Variants in EBF1 observed in about 807,000 individuals in gnomAD.
The protein encoded by EBF1 is transcription factor COE1.
In EBF1, 10 loss-of-function variants were observed where a neutral mutation model predicts 68.4. That is an observed-to-expected ratio of 0.15 (90% CI 0.09 to 0.25). The LOEUF (loss-of-function observed/expected upper bound fraction) is 0.25. Among genes scored for constraint, EBF1 ranks in the 10% least tolerant of loss-of-function variants. The pLI is 1.00. For synonymous variants in EBF1, 298 were observed against 299.8 expected (o/e 0.99, Z 0.06); for missense variants, 509 against 794.4 (o/e 0.64, Z 4.32).
At chr5:158,729,975 C>T (rs538606524) in intron 11 of EBF1, among the ~76,000 whole-genome samples, 4 of 152,284 alleles carry the variant, frequency 2.6e-5, no homozygotes, top group African/African-American at 7.2e-5. Flanking sequence ...AGCCAGCACA[C>T]GGGTAGGATT....
chr5:158,984,446 C>T (rs944658308), intron 6 of EBF1, among the ~76,000 whole-genome samples: 2 of 152,002 alleles, frequency 1.3e-5, no homozygotes, highest in Non-Finnish European at 2.9e-5. Flanking sequence ...AAAACTGTAC[C>T]AGTAATGTGC....
At chr5:158,833,665 A>C (rs1788101026) in intron 7 of EBF1, among the ~76,000 whole-genome samples, 1 of 152,226 alleles carries the variant, frequency 6.6e-6, no homozygotes, top group Non-Finnish European at 1.5e-5. Context: ...GTTCTGTAGA[A>C]TAGGAGAGGC....
intron 7 of EBF1, among the ~76,000 whole-genome samples, chr5:158,836,592 G>A (rs904984916): frequency 5.9e-5 from 9 of 152,208 alleles, no homozygotes; most frequent in East Asian, 3.8e-4. Context: ...TTTAACTCTC[G>A]AGGCAATTCA....
chr5:158,958,052 C>A (rs1446453574), intron 6 of EBF1, among the ~76,000 whole-genome samples: 1 of 152,182 alleles, frequency 6.6e-6, no homozygotes, highest in Non-Finnish European at 1.5e-5. Context: ...CCTTCAAGCC[C>A]AGTCAGCTGC....
chr5:158,771,891 C>T (rs1362223699), intron 10 of EBF1, among the ~76,000 whole-genome samples: 1 of 152,166 alleles, frequency 6.6e-6, no homozygotes, highest in East Asian at 1.9e-4. Flanking sequence ...TCATTGCTAT[C>T]AGCCCAGGGC....
At chr5:159,038,512 G>C (rs369676940) in intron 6 of EBF1, among the ~76,000 whole-genome samples, 62 of 152,306 alleles carry the variant, frequency 4.1e-4, no homozygotes, top group African/African-American at 1.5e-3. Flanking sequence ...TACAGGAGGA[G>C]AGTATGGGGG....
At chr5:158,706,338 GTCC>G (rs909134539) in intron 15 of EBF1, among the ~76,000 whole-genome samples, 2 of 152,100 alleles carry the variant, frequency 1.3e-5, no homozygotes, top group Non-Finnish European at 2.9e-5. Context: ...ATTTTGAAGA[GTCC>G]TCCTGGAGGC....
chr5:158,701,129 T>C (rs1581134774), intron 15 of EBF1, among the ~76,000 whole-genome samples: 1 of 152,162 alleles, frequency 6.6e-6, no homozygotes, highest in East Asian at 1.9e-4. Context: ...GGCACCTTTA[T>C]TAAAGACAGC....
chr5:159,058,183 G>C (rs1004535086), intron 6 of EBF1, among the ~76,000 whole-genome samples: 4 of 152,228 alleles, frequency 2.6e-5, no homozygotes, highest in South Asian at 2.1e-4. Flanking sequence ...CCTCAAGGAG[G>C]CTTTTCTATT....
intron 5 of EBF1, 30 bp from the exon 6 acceptor site, chr5:159,073,494 C>T (rs1249583483): frequency 5.1e-5 from 83 of 1,612,364 alleles, no homozygotes; most frequent in Non-Finnish European, 7.0e-5. Flanking sequence ...GGATTTAGTA[C>T]AACCATTACA....
chr5:159,006,935 A>G (rs1763690355), intron 6 of EBF1, among the ~76,000 whole-genome samples: 1 of 152,190 alleles, frequency 6.6e-6, no homozygotes, highest in Non-Finnish European at 1.5e-5. Flanking sequence ...CTTCCTATTT[A>G]CATATGCTTT....
At chr5:158,934,592 G>A (rs1452509995) in intron 6 of EBF1, among the ~76,000 whole-genome samples, 1 of 152,198 alleles carries the variant, frequency 6.6e-6, no homozygotes, top group Non-Finnish European at 1.5e-5. Context: ...GGGCAGTGTT[G>A]AATATTTGGA....
At position 158,697,439 on chromosome 5, in the gene EBF1, C is replaced by A; in HGVS notation, c.*1672G>T. ...AAAAATCACATTGAAACAGCTAATACAAGTGTAGGTGACCAAACAAATACG... is the reference window on the plus strand; with the variant it reads ...AAAAATCACATTGAAACAGCTAATAAAAGTGTAGGTGACCAAACAAATACG... On this transcript the variant is annotated 3_prime_UTR_variant, in exon 16 of 16. Transcript: ENST00000313708. The A allele has an allele frequency of 4.8e-6, 1 of 209,480 alleles. No homozygotes were observed. The highest frequency in any genetic ancestry group is 9.7e-6 in the Non-Finnish European group (1 of 103,104). The allele number at this position is 209,480 out of a possible 1,614,324, so 13.0% of individuals were successfully genotyped here.
chr5:158,980,850 AT>A lies in EBF1; in HGVS notation c.554+92545del, dbSNP rs556194762. On this transcript the variant is annotated intron_variant, in intron 6 of 15. Transcript: ENST00000313708. The stretch of plus-strand genomic sequence containing the variant: ...AAACTGGAGTATGACATGCCTTCTC[AT>A]TTTTTTCCCCTTGTCTATATCAAGG... 3.0e-3 allele frequency among the ~76,000 whole-genome samples: 457 copies of A among 152,256 alleles called. 1 individual carries two copies. Among genetic ancestry groups the A allele is most frequent in the African/African-American group, 9.0e-3 (375 of 41,566 alleles).
At chr5:159,067,603 A>T (rs533835810) in intron 6 of EBF1, among the ~76,000 whole-genome samples, 2 of 152,224 alleles carry the variant, frequency 1.3e-5, no homozygotes, top group Non-Finnish European at 2.9e-5. Flanking sequence ...ATAGACTGCG[A>T]TTAGCTTATT....
intron 10 of EBF1, among the ~76,000 whole-genome samples, chr5:158,744,893 T>C (rs1258770461): frequency 6.6e-6 from 1 of 152,194 alleles, no homozygotes; most frequent in Non-Finnish European, 1.5e-5. Flanking sequence ...GGGATTTCCA[T>C]GGTTCTTGAT....
intron 6 of EBF1, among the ~76,000 whole-genome samples, chr5:159,013,992 A>G (rs532595312): frequency 6.6e-6 from 1 of 152,344 alleles, no homozygotes; most frequent in East Asian, 1.9e-4. Flanking sequence ...ACTCCTTTAA[A>G]GGGTAAGTTC....
At chr5:159,074,206 G>C (rs985442362) in intron 5 of EBF1, among the ~76,000 whole-genome samples, 2 of 152,192 alleles carry the variant, frequency 1.3e-5, no homozygotes, top group African/African-American at 4.8e-5. Context: ...AGAGAAGGAA[G>C]AGCCTATGGG....
chr5:159,012,284 T>TC (rs1764824087), intron 6 of EBF1, among the ~76,000 whole-genome samples: 1 of 144,078 alleles, frequency 6.9e-6, no homozygotes, highest in Non-Finnish European at 1.5e-5. Context: ...AGACTCTGTC[T>TC]CAAAAAAAAA....
Sources: gnomAD v4.1 joint callset for allele counts (sites outside exome capture counted in the v4.1 genomes callset) on GRCh38, gnomAD v4.1.1 for gene constraint, MANE v1.5 for transcripts, NCBI Gene and HGNC (gene_info 2026-07-23, HGNC 2026-07-21) for gene names.